The following STARD13 variants were observed in gnomAD, a reference collection of about 807,000 sequenced individuals.
STARD13 encodes the protein stAR-related lipid transfer protein 13.
A neutral mutation model predicts 106.4 loss-of-function variants in STARD13; 62 were observed. The observed-to-expected ratio is 0.58, with a 90% CI of 0.48 to 0.72. The LOEUF (loss-of-function observed/expected upper bound fraction) is 0.72. Ranked by LOEUF, STARD13 falls within the 30% of genes least tolerant of loss-of-function variation. The pLI is 0.00. For missense variants in STARD13, 1,387 were observed against 1,424.0 expected (o/e 0.97, Z 0.42); for synonymous variants, 565 against 553.0 (o/e 1.02, Z -0.31).
At chr13:33,185,140 T>C (rs949160470) in intron 1 of STARD13, among the ~76,000 whole-genome samples, 9 of 152,186 alleles carry the variant, frequency 5.9e-5, no homozygotes, top group African/African-American at 2.2e-4. Flanking sequence ...TGCCAGAAAA[T>C]GTGGGGTTCA....
chr13:33,133,900 T>C (rs1455117171), intron 4 of STARD13, among the ~76,000 whole-genome samples: 3 of 152,212 alleles, frequency 2.0e-5, no homozygotes, highest in Non-Finnish European at 2.9e-5. Flanking sequence ...GTGGTATTTA[T>C]GGAAGTGTAC....
At chr13:33,582,252 C>G in the STARD13 span, among the ~76,000 whole-genome samples, 25 of 151,798 alleles carry the variant, frequency 1.6e-4, 1 homozygote, top group Admixed American at 1.0e-3. Flanking sequence ...ATGAAAAAGG[C>G]TAAGTAACTT....
At chr13:33,426,993 T>G in the STARD13 span, among the ~76,000 whole-genome samples, 1 of 152,234 alleles carries the variant, frequency 6.6e-6, no homozygotes, top group Non-Finnish European at 1.5e-5. Context: ...TCAGTAAATA[T>G]AACTTTTAGG....
At chr13:33,673,642 A>C in the STARD13 span, among the ~76,000 whole-genome samples, 1 of 148,886 alleles carries the variant, frequency 6.7e-6, no homozygotes. Flanking sequence ...TCCCTGGTTC[A>C]AGCAATTCTC....
At chr13:33,300,689 T>C (rs778390972) in intron 1 of STARD13, among the ~76,000 whole-genome samples, 7 of 152,252 alleles carry the variant, frequency 4.6e-5, no homozygotes, top group Non-Finnish European at 7.3e-5. Context: ...ATTTGCCTTC[T>C]ATTTGTTTAG....
chr13:33,460,570 T>G, the STARD13 span, among the ~76,000 whole-genome samples: 1 of 152,274 alleles, frequency 6.6e-6, no homozygotes, highest in East Asian at 1.9e-4. Context: ...TTGTACATAT[T>G]TCTTAAATTT....
chr13:33,524,483 A>G, the STARD13 span: 1 of 160,700 alleles, frequency 6.2e-6, no homozygotes, highest in Admixed American at 6.3e-5. Flanking sequence ...TTTAAACTAC[A>G]ATCATTTTGA....
intron 1 of STARD13, among the ~76,000 whole-genome samples, chr13:33,218,032 C>T (rs1888141518): frequency 6.6e-6 from 1 of 152,096 alleles, no homozygotes; most frequent in South Asian, 2.1e-4. Flanking sequence ...TCATTTTATT[C>T]CACTTTACAG....
At chr13:33,155,697 C>T (rs1327375434) in intron 3 of STARD13, 1 of 151,966 alleles carries the variant, frequency 6.6e-6, no homozygotes, top group Non-Finnish European at 1.5e-5. Context: ...AGCAAAATCC[C>T]CTATCTTTGA....
the STARD13 span, among the ~76,000 whole-genome samples, chr13:33,542,127 A>C: frequency 2.0e-5 from 3 of 152,232 alleles, no homozygotes; most frequent in Non-Finnish European, 4.4e-5. Flanking sequence ...AAATAATTTG[A>C]AAATGTTTTT....
At chr13:33,389,936 A>T in the STARD13 span, among the ~76,000 whole-genome samples, 1 of 152,132 alleles carries the variant, frequency 6.6e-6, no homozygotes, top group Non-Finnish European at 1.5e-5. Flanking sequence ...TAGAAGTCTG[A>T]CTTATTTTCT....
intron 1 of STARD13, among the ~76,000 whole-genome samples, chr13:33,201,235 T>C (rs1341626548): frequency 6.6e-6 from 1 of 152,018 alleles, no homozygotes; most frequent in East Asian, 1.9e-4. Context: ...GGGGATGCAC[T>C]TTAAGTATTA....
chr13:33,387,737 C>T, the STARD13 span, among the ~76,000 whole-genome samples: 2 of 152,188 alleles, frequency 1.3e-5, no homozygotes, highest in Non-Finnish European at 2.9e-5. Context: ...TCACTTAGCA[C>T]CTTCCACCTA....
intron 3 of STARD13, among the ~76,000 whole-genome samples, chr13:33,162,272 C>T (rs1236521548): frequency 6.6e-6 from 1 of 152,214 alleles, no homozygotes; most frequent in Non-Finnish European, 1.5e-5. Context: ...CAGATAAGGA[C>T]CCTGGGCCTG....
At chr13:33,295,126 G>A (rs1892438818) in intron 1 of STARD13, among the ~76,000 whole-genome samples, 1 of 152,144 alleles carries the variant, frequency 6.6e-6, no homozygotes, top group African/African-American at 2.4e-5. Flanking sequence ...TGCCTTGTTG[G>A]ATAAATCCAG....
At chr13:33,480,614 A>G in the STARD13 span, among the ~76,000 whole-genome samples, 1 of 152,190 alleles carries the variant, frequency 6.6e-6, no homozygotes, top group Non-Finnish European at 1.5e-5. Context: ...TACAGCAGAG[A>G]AGTACACTGT....
At chr13:33,363,790 A>G in the STARD13 span, among the ~76,000 whole-genome samples, 4 of 152,304 alleles carry the variant, frequency 2.6e-5, no homozygotes, top group Admixed American at 2.0e-4. Flanking sequence ...CTGCATCCCT[A>G]GTAGTGAATG....
the STARD13 span, among the ~76,000 whole-genome samples, chr13:33,388,832 G>A: frequency 2.6e-5 from 4 of 152,238 alleles, no homozygotes; most frequent in African/African-American, 9.6e-5. Context: ...GGGAGGCATT[G>A]AGCATTGTGT....
chr13:33,290,984 A>G (rs748153391), intron 1 of STARD13, among the ~76,000 whole-genome samples: 4 of 147,928 alleles, frequency 2.7e-5, no homozygotes, highest in Non-Finnish European at 3.1e-5. Flanking sequence ...TATGTGGCAC[A>G]TTAATTAGAT....
Sources: allele counts gnomAD v4.1 joint callset (sites outside exome capture counted in the v4.1 genomes callset), GRCh38; gene constraint gnomAD v4.1.1; transcripts MANE v1.5; gene names NCBI Gene and HGNC (gene_info 2026-07-23, HGNC 2026-07-21).